The following LRRC37B variants were observed in gnomAD, a reference collection of about 807,000 sequenced individuals.
LRRC37B encodes leucine-rich repeat-containing protein 37B.
LRRC37B carries 28 observed loss-of-function variants against 98.3 expected under a neutral mutation model. That is an observed-to-expected ratio of 0.28 (90% confidence interval 0.21 to 0.39). The LOEUF is 0.39. LRRC37B is among the 10% of genes least tolerant of loss of function. The pLI, the probability that LRRC37B is intolerant of heterozygous loss-of-function variation, is 1.00. For missense variants in LRRC37B, 938 were observed against 1,182.7 expected, an observed-to-expected ratio of 0.79 and a Z score of 3.03; for synonymous variants, 364 against 442.7, an observed-to-expected ratio of 0.82 and a Z score of 2.23.
intron 9 of LRRC37B, 106 bp downstream of exon 12, chr17:32,048,007 C>T (rs867184063): frequency 8.8e-5 from 139 of 1,585,552 alleles, no homozygotes; most frequent in Non-Finnish European, 1.1e-4. Flanking sequence ...ATATTGTTAC[C>T]GTTCACTGAA....
intron 1 of LRRC37B, among the ~76,000 whole-genome samples, chr17:32,012,124 T>C (rs1194794908): frequency 6.6e-6 from 1 of 152,170 alleles, no homozygotes; most frequent in Non-Finnish European, 1.5e-5. Context: ...TGCCGTTAGG[T>C]AAAGTGTTTC....
upstream of LRRC37B, chr17:32,020,850 C>T: frequency 9.7e-7 from 1 of 1,031,986 alleles, no homozygotes; most frequent in Non-Finnish European, 1.3e-6. Context: ...CACCCCACCC[C>T]ACCCCACCAC....
At chr17:32,008,830 A>C (rs906000921) in intron 1 of LRRC37B, among the ~76,000 whole-genome samples, 3 of 152,230 alleles carry the variant, frequency 2.0e-5, no homozygotes, top group Non-Finnish European at 4.4e-5. Flanking sequence ...ATCCAACCAA[A>C]TTTGGTAATT....
intron 7 of LRRC37B, among the ~76,000 whole-genome samples, chr17:32,044,503 G>A (rs184187689): frequency 2.6e-5 from 4 of 152,276 alleles, no homozygotes; most frequent in South Asian, 4.1e-4. Context: ...CATAGGTGAC[G>A]TATCTTTCCT....
exon 1 of LRRC37B, chr17:32,021,561 A>T (rs765235777): frequency 6.2e-7 from 1 of 1,614,012 alleles, no homozygotes; most frequent in African/African-American, 1.3e-5. Context: ...TCCGCTTCTC[A>T]ACCGGGATCA....
upstream of LRRC37B, among the ~76,000 whole-genome samples, chr17:32,020,331 GACTTTAACA>G (rs1343260341): frequency 1.3e-5 from 2 of 152,156 alleles, no homozygotes; most frequent in Non-Finnish European, 2.9e-5. Context: ...TTAACATGCT[GACTTTAACA>G]ACCTAAGCCT....
chr17:32,044,792 A>G (rs1418052127), intron 7 of LRRC37B, among the ~76,000 whole-genome samples: 1 of 152,198 alleles, frequency 6.6e-6, no homozygotes, highest in Non-Finnish European at 1.5e-5. Context: ...TGGGGGGCTG[A>G]ATTTGGAGGG....
intron 7 of LRRC37B, among the ~76,000 whole-genome samples, chr17:32,037,081 AG>A (rs1911268620): frequency 7.2e-6 from 1 of 138,574 alleles, no homozygotes; most frequent in African/African-American, 2.7e-5. Context: ...CTACCTCCTG[AG>A]TTCAAACAGT....
intron 8 of LRRC37B, among the ~76,000 whole-genome samples, chr17:32,046,602 T>TC (rs1555536534): frequency 6.7e-6 from 1 of 149,018 alleles, no homozygotes; most frequent in Non-Finnish European, 1.5e-5. Flanking sequence ...TTTTTTTCTT[T>TC]TTTTTTTTTT....
upstream of LRRC37B, among the ~76,000 whole-genome samples, chr17:32,018,327 C>T (rs1047105089): frequency 6.6e-6 from 1 of 152,090 alleles, no homozygotes; most frequent in African/African-American, 2.4e-5. Context: ...AACTCCATCT[C>T]AAAAAACAAA....
chr17:32,008,122 C>A, exon 1 of LRRC37B: 1 of 382,642 alleles, frequency 2.6e-6, no homozygotes, highest in Non-Finnish European at 5.1e-6. Context: ...GCAGCTTCAG[C>A]AGCACTCCAG....
At chr17:32,047,763 G>A (rs981191126) in exon 9 of LRRC37B, 1 of 1,613,992 alleles carries the variant, frequency 6.2e-7, no homozygotes, top group Non-Finnish European at 8.5e-7. Context: ...TCTGACAGCT[G>A]AAGAAGCATC....
Position 32,049,995 on chromosome 17 carries a change from T to C in LRRC37B, c.2758-8T>C. 2 of 1,457,730 alleles carry C rather than the reference T, an allele frequency of 1.4e-6. No homozygotes were observed. The highest frequency in any genetic ancestry group is 1.3e-5 in the South Asian group (1 of 76,472). The allele number at this position is 1,457,730 out of a possible 1,614,324, so 90.3% of individuals were successfully genotyped here. On this transcript the variant is annotated splice_polypyrimidine_tract_variant and splice_region_variant and intron_variant, in intron 10 of 11. Transcript: ENST00000327564. ...CTTTCTTTTTTCTTTTTTTTTTCTT[T>C]TTTTTAGCTCATGAAAGAAGTTCCA...
chr17:32,010,231 T>C (rs991026459), intron 1 of LRRC37B, among the ~76,000 whole-genome samples: 1 of 152,236 alleles, frequency 6.6e-6, no homozygotes, highest in African/African-American at 2.4e-5. Context: ...GCTGTCCCTG[T>C]TGCAGCTCTG....
intron 9 of LRRC37B, 54 bp downstream of exon 12, chr17:32,047,955 A>T: frequency 6.2e-7 from 1 of 1,613,864 alleles, no homozygotes. Context: ...ACTAAGTTAC[A>T]TCTTGCCTTA....
At chr17:32,045,573 C>T in intron 7 of LRRC37B, 127 bp from the exon 11 acceptor site, 1 of 1,093,980 alleles carries the variant, frequency 9.1e-7, no homozygotes, top group Non-Finnish European at 1.4e-6. Flanking sequence ...GGTTCCTACC[C>T]AAGTGTCCAG....
chr17:32,023,512 C>T (rs113588089), intron 1 of LRRC37B, among the ~76,000 whole-genome samples: 1 of 152,206 alleles, frequency 6.6e-6, no homozygotes, highest in Non-Finnish European at 1.5e-5. Context: ...AGCCAGGCTG[C>T]CTGGGTTTGA....
chr17:32,047,971 C>A, intron 9 of LRRC37B, 70 bp downstream of exon 12: 6 of 1,612,778 alleles, frequency 3.7e-6, no homozygotes, highest in Non-Finnish European at 2.5e-6. Context: ...CCTTATCTCT[C>A]ACTGGGAAAT....
At chr17:32,033,656 A>T (rs1911168300) in intron 5 of LRRC37B, among the ~76,000 whole-genome samples, 1 of 152,222 alleles carries the variant, frequency 6.6e-6, no homozygotes, top group South Asian at 2.1e-4. Context: ...AGCCTAATAG[A>T]TGCTCACTGT....
Sources: gnomAD v4.1 joint callset for allele counts (sites outside exome capture counted in the v4.1 genomes callset) on GRCh38, gnomAD v4.1.1 for gene constraint, MANE v1.5 for transcripts, NCBI Gene and HGNC (gene_info 2026-07-23, HGNC 2026-07-21) for gene names.